The following ANKS1A variants were observed in gnomAD, a reference collection of about 807,000 sequenced individuals.
ANKS1A encodes the protein ankyrin repeat and sterile alpha motif domain containing 1A, also known as ankyrin repeat and SAM domain-containing protein 1A.
A neutral mutation model predicts 120.3 loss-of-function variants in ANKS1A; 55 were observed. The ratio of observed to expected loss-of-function variants is 0.46; its 90% confidence interval spans 0.37 to 0.57. The LOEUF (loss-of-function observed/expected upper bound fraction) is 0.57, where lower values mean the gene tolerates loss of function less well. Ranked by LOEUF, ANKS1A falls within the 20% of genes least tolerant of loss-of-function variation. The pLI, the probability that ANKS1A is intolerant of heterozygous loss-of-function variation, is 0.00. For synonymous variants in ANKS1A, 590 were observed against 604.7 expected (o/e 0.98, Z 0.36); for missense variants, 1,123 against 1,480.3 (o/e 0.76, Z 3.96).
chr6:34,950,943 CAG>C (rs1012488873), intron 1 of ANKS1A, among the ~76,000 whole-genome samples: 17 of 152,206 alleles, frequency 1.1e-4, no homozygotes, highest in Non-Finnish European at 1.9e-4. Context: ...TTTGGTCAAG[CAG>C]AGTCTTTGCC....
intron 11 of ANKS1A, among the ~76,000 whole-genome samples, chr6:35,053,079 G>A (rs955812099): frequency 2.0e-5 from 3 of 152,250 alleles, no homozygotes; most frequent in Non-Finnish European, 4.4e-5. Flanking sequence ...TCTGCCAGCT[G>A]AAGGCTGGCT....
rs747520028 is a variant in ANKS1A at position 35,017,515 on chromosome 6, A to C, written c.1466A>C (p.Glu489Ala). The C allele has an allele frequency of 1.9e-6, 3 of 1,613,728 alleles. No individual in the cohort carries two copies. Among genetic ancestry groups the C allele is most frequent in the Middle Eastern group, 1.6e-4 (1 of 6,062 alleles). ...AGCAGCCGGAGCCAGGACTCTGCGG[A>C]GGGGCAGGACGGGCAGGTCCCAGAG... The part of the protein sequence containing the change: ...SSSSRSQDSA[E>A]GQDGQVPEQF... Residue 489 changes from glutamate to alanine, a missense_variant, in exon 11 of 24, where the codon GAG becomes GCG. Coordinates refer to ENST00000360359, the MANE Select transcript of ANKS1A (RefSeq NM_015245.3).
At chr6:35,073,917 G>C (rs934761580) in intron 13 of ANKS1A, among the ~76,000 whole-genome samples, 4 of 152,222 alleles carry the variant, frequency 2.6e-5, no homozygotes, top group African/African-American at 9.6e-5. Context: ...CCCCCGGTGC[G>C]GAGATATGGC....
chr6:34,987,222 T>C (rs1342998034), intron 8 of ANKS1A, among the ~76,000 whole-genome samples: 1 of 152,198 alleles, frequency 6.6e-6, no homozygotes, highest in African/African-American at 2.4e-5. Context: ...TAAATCACTG[T>C]GGTACTTCTA....
intron 13 of ANKS1A, among the ~76,000 whole-genome samples, chr6:35,062,153 C>T (rs920166518): frequency 1.3e-5 from 2 of 152,232 alleles, no homozygotes; most frequent in African/African-American, 2.4e-5. Flanking sequence ...TGCGTCTGTT[C>T]CTATGCTAGA....
rs368400189 is a variant in ANKS1A at position 35,017,512 on chromosome 6, C to T, written c.1463C>T (p.Ala488Val). The change falls in exon 11 of 24, where the codon GCG (alanine) becomes GTG (valine). Residue 488 changes from alanine (A) to valine (V), a missense_variant. Ala to Val is a moderately conservative substitution (Grantham distance 64, BLOSUM62 0). This residue lies in a region of ANKS1A where 904 missense variants were observed against 1,130.4 expected (regional missense o/e 0.80). Coordinates refer to ENST00000360359, the MANE Select transcript of ANKS1A (RefSeq NM_015245.3). Reference protein sequence around the residue: ...RSSSSRSQDSAEGQDGQVPEQ... With the variant: ...RSSSSRSQDSVEGQDGQVPEQ... ...AGCAGCAGCCGGAGCCAGGACTCTG[C>T]GGAGGGGCAGGACGGGCAGGTCCCA... 1.0e-4 allele frequency: 163 copies of T among 1,613,436 alleles called. No homozygotes were observed. Among genetic ancestry groups the T allele is most frequent in the Non-Finnish European group, 1.3e-4 (157 of 1,179,720 alleles).
At chr6:35,072,935 C>T (rs1339567818) in intron 13 of ANKS1A, among the ~76,000 whole-genome samples, 2 of 152,170 alleles carry the variant, frequency 1.3e-5, no homozygotes, top group Non-Finnish European at 2.9e-5. Context: ...CAGGAAGAGC[C>T]GAGGAAGACG....
intron 1 of ANKS1A, among the ~76,000 whole-genome samples, chr6:34,961,234 A>G (rs898982140): frequency 2.0e-5 from 3 of 152,170 alleles, no homozygotes; most frequent in Admixed American, 6.5e-5. Context: ...ACCTAATAGG[A>G]CAGCTGTGAT....
In ANKS1A at chr6:34,982,828, G is replaced by T. The variant is rs369191268; in HGVS notation, c.808+1G>T. The T allele has an allele frequency of 6.2e-7, 1 of 1,614,194 alleles. No homozygotes were observed. Among genetic ancestry groups the T allele is most frequent in the Non-Finnish European group, 8.5e-7 (1 of 1,180,034 alleles). The stretch of plus-strand genomic sequence containing the variant: ...GTGGTGCAAATCCTGCTGGCTGCAG[G>T]TGAGAGGTCGGCAGCGCTCTTGTCT... On this transcript the variant is annotated splice_donor_variant, in intron 5 of 23. Transcript: ENST00000360359. LOFTEE classifies it high-confidence loss of function. This position sits in a 1 kb window ranked among gnomAD's most constrained non-coding sequence, Gnocchi z 4.9.
At chr6:34,903,803 C>T (rs536251028) in intron 1 of ANKS1A, among the ~76,000 whole-genome samples, 1 of 152,076 alleles carries the variant, frequency 6.6e-6, no homozygotes, top group Non-Finnish European at 1.5e-5. Flanking sequence ...GCATGAGCCA[C>T]TGTGCCCAGC....
At chr6:34,904,139 C>T (rs1364115066) in intron 1 of ANKS1A, among the ~76,000 whole-genome samples, 3 of 152,070 alleles carry the variant, frequency 2.0e-5, no homozygotes, top group African/African-American at 7.2e-5. Flanking sequence ...TATAAAATGG[C>T]GTAGTATTTG....
rs201216162 is a variant in ANKS1A at position 35,082,720 on chromosome 6, G to A, written c.2739G>A (p.Leu913=). Residue 913 remains leucine (L), a synonymous_variant, in exon 18 of 24, where the codon CTG becomes CTA. Coordinates refer to ENST00000360359, the MANE Select transcript of ANKS1A (RefSeq NM_015245.3). The surrounding 1 kb of genome is among the most constrained non-coding windows in gnomAD (Gnocchi z 4.1). ...AGCACCGTGAGGCCAAGCTGACCCT[G>A]CGGCCCCCGAGCCTGGCAGCCCCCT... ...QEEHREAKLT[L]RPPSLAAPYA... is the part of the protein sequence containing the mutation. The A allele has an allele frequency of 1.2e-6, 2 of 1,612,608 alleles. No homozygotes were observed. Among genetic ancestry groups the A allele is most frequent in the East Asian group, 2.2e-5 (1 of 44,752 alleles).
In ANKS1A at chr6:34,893,762, C is replaced by T. The variant is rs150337968; in HGVS notation, c.197+4163C>T. 7.3e-3 allele frequency among the ~76,000 whole-genome samples: 1,107 copies of T among 152,278 alleles called. 19 individuals carry two copies. Among genetic ancestry groups the T allele is most frequent in the African/African-American group, 0.025 (1,051 of 41,538 alleles). ...AAATTTAGCATAATTTATCCTACCT[C>T]CCGGCTGTTTGAAGCTATTAACATA... On this transcript the variant is annotated intron_variant, in intron 1 of 23. Transcript: ENST00000360359.
intron 12 of ANKS1A, among the ~76,000 whole-genome samples, chr6:35,055,428 C>T (rs1581707699): frequency 6.6e-6 from 1 of 152,016 alleles, no homozygotes; most frequent in Middle Eastern, 3.4e-3. Context: ...CTCCTGGGTT[C>T]AAGCGTTTCT....
intron 11 of ANKS1A, among the ~76,000 whole-genome samples, chr6:35,025,180 G>A (rs557735372): frequency 7.4e-4 from 112 of 151,730 alleles, no homozygotes; most frequent in African/African-American, 2.5e-3. Flanking sequence ...TTATTTTATA[G>A]GCAGCCCTAA....
intron 1 of ANKS1A, among the ~76,000 whole-genome samples, chr6:34,920,835 T>C (rs1287540484): frequency 6.6e-6 from 1 of 152,236 alleles, no homozygotes; most frequent in East Asian, 1.9e-4. Context: ...ACCGCCTTGC[T>C]GAGCACTTGT....
intron 10 of ANKS1A, among the ~76,000 whole-genome samples, chr6:34,994,894 C>T (rs779120426): frequency 6.6e-6 from 1 of 152,168 alleles, no homozygotes; most frequent in Non-Finnish European, 1.5e-5. Flanking sequence ...AGTGCTCTGT[C>T]GCCTTGGCCT....
At position 34,997,084 on chromosome 6, in the gene ANKS1A, T is replaced by A. The variant is rs988090303; in HGVS notation, c.1423+2662T>A. Among the ~76,000 whole-genome samples the A allele has an allele frequency of 2.6e-5, 4 of 152,206 alleles. No individual in the cohort carries two copies. In the East Asian group the frequency reaches 7.7e-4, roughly 29 times the overall value. On this transcript the variant is annotated intron_variant, in intron 10 of 23. Coordinates refer to ENST00000360359, the MANE Select transcript of ANKS1A (RefSeq NM_015245.3). ...ACACCCGGTTCTTAGTGTGCACAGCTTGTTGATTTCTACAAAAAGTCCTGT... is the reference window on the plus strand; with the variant it reads ...ACACCCGGTTCTTAGTGTGCACAGCATGTTGATTTCTACAAAAAGTCCTGT...
chr6:35,013,987 A>G (rs1009449719), intron 10 of ANKS1A, among the ~76,000 whole-genome samples: 16 of 152,344 alleles, frequency 1.1e-4, no homozygotes, highest in African/African-American at 3.6e-4. Context: ...TTAATGCATT[A>G]CACGTATAAT....
Sources: gnomAD v4.1 joint callset for allele counts (sites outside exome capture counted in the v4.1 genomes callset) on GRCh38, gnomAD v4.1.1 for gene constraint, gnomAD v4.1.1 regional missense constraint, Gnocchi (gnomAD v3.1) non-coding constraint, MANE v1.5 for transcripts, NCBI Gene and HGNC (gene_info 2026-07-23, HGNC 2026-07-21) for gene names.